Variants in HS3ST4 observed in about 807,000 individuals in gnomAD.
The protein encoded by HS3ST4 is heparan sulfate-glucosamine 3-sulfotransferase 4.
A neutral mutation model predicts 29.2 loss-of-function variants in HS3ST4; 17 were observed. The ratio of observed to expected loss-of-function variants is 0.58; its 90% confidence interval spans 0.40 to 0.87. The LOEUF (loss-of-function observed/expected upper bound fraction) is 0.87. Among genes scored for constraint, HS3ST4 ranks in the 40% least tolerant of loss-of-function variants. The probability of loss-of-function intolerance (pLI) is 0.00; values close to 1 mark genes in which losing one functional copy is unlikely to be tolerated. For missense variants in HS3ST4, 627 were observed against 634.5 expected, an observed-to-expected ratio of 0.99 and a Z score of 0.13; for synonymous variants, 314 against 285.7, an observed-to-expected ratio of 1.10 and a Z score of -1.00.
At chr16:26,131,495 C>T (rs1899418550) in intron 1 of HS3ST4, among the ~76,000 whole-genome samples, 1 of 152,144 alleles carries the variant, frequency 6.6e-6, no homozygotes, top group Non-Finnish European at 1.5e-5. Flanking sequence ...TTCTCAAGCA[C>T]ACCAAAATGT....
intron 1 of HS3ST4, among the ~76,000 whole-genome samples, chr16:25,818,113 G>A (rs1967113524): frequency 6.6e-6 from 1 of 152,200 alleles, no homozygotes; most frequent in African/African-American, 2.4e-5. Flanking sequence ...CCTAATGTTT[G>A]TAGAAGGCTT....
At chr16:26,038,201 T>C (rs1969601764) in intron 1 of HS3ST4, among the ~76,000 whole-genome samples, 2 of 152,050 alleles carry the variant, frequency 1.3e-5, no homozygotes, top group Admixed American at 1.3e-4. Flanking sequence ...CCTGGAATGC[T>C]CTTCCCCGAT....
At chr16:25,731,339 A>ATTTTTTC (rs527475050) in intron 1 of HS3ST4, among the ~76,000 whole-genome samples, 2 of 151,982 alleles carry the variant, frequency 1.3e-5, no homozygotes, top group African/African-American at 4.8e-5. Flanking sequence ...AGATACTCTT[A>ATTTTTTC]TTTTTTCTTT....
At chr16:25,888,315 A>G (rs1967975275) in intron 1 of HS3ST4, among the ~76,000 whole-genome samples, 1 of 152,196 alleles carries the variant, frequency 6.6e-6, no homozygotes, top group Admixed American at 6.5e-5. Flanking sequence ...GAGAAGTATG[A>G]TCTAGGAGCT....
At chr16:26,023,753 C>T (rs1298972390) in intron 1 of HS3ST4, among the ~76,000 whole-genome samples, 2 of 152,070 alleles carry the variant, frequency 1.3e-5, no homozygotes, top group East Asian at 3.9e-4. Context: ...GTCTTTATCT[C>T]TGATTTTCTG....
chr16:25,822,745 T>G (rs1013600423), intron 1 of HS3ST4, among the ~76,000 whole-genome samples: 41 of 152,058 alleles, frequency 2.7e-4, no homozygotes, highest in African/African-American at 7.7e-4. Context: ...ACTTTTTTTT[T>G]TTGTTCTTTT....
rs569590232 is a variant in HS3ST4 at position 25,937,827 on chromosome 16, A to T, written c.735-197785A>T. Among the ~76,000 whole-genome samples the T allele has an allele frequency of 2.6e-5, 4 of 152,286 alleles. No homozygotes were observed. In the South Asian group the frequency reaches 6.2e-4, roughly 24 times the overall value. ...CATTGACACAGGGAAGTTGGTAAGT[A>T]TATCTGTTTTGCAGCTTCAGAAACA... is the stretch of plus-strand genomic sequence containing the variant. On this transcript the variant is annotated intron_variant, in intron 1 of 1. Transcript: ENST00000331351.
intron 1 of HS3ST4, among the ~76,000 whole-genome samples, chr16:26,011,006 C>T (rs1366237679): frequency 6.6e-6 from 1 of 151,564 alleles, no homozygotes; most frequent in African/African-American, 2.4e-5. Flanking sequence ...GAGAGTGCTC[C>T]ACACAGTGTT....
chr16:25,908,083 G>A (rs749031261), intron 1 of HS3ST4, among the ~76,000 whole-genome samples: 2 of 152,196 alleles, frequency 1.3e-5, no homozygotes, highest in Non-Finnish European at 2.9e-5. Flanking sequence ...TGAATCATAG[G>A]TGTGGAGAGA....
chr16:25,693,132 A>G lies in HS3ST4; in HGVS notation c.715A>G (p.Lys239Glu). 2 of 1,607,618 alleles carry G rather than the reference A, an allele frequency of 1.2e-6. No individual in the cohort carries two copies. The highest frequency in any genetic ancestry group is 1.7e-6 in the Non-Finnish European group (2 of 1,177,212). Residue 239 changes from lysine to glutamate, a missense_variant, in exon 1 of 2, where the codon AAG (lysine) becomes GAG (glutamate). By Grantham distance (56) the Lys-to-Glu change is moderately conservative (BLOSUM62 1). Transcript: ENST00000331351. ...EPHFFDRNYEKGLEWYRNVMP... is the reference protein window; with the variant it reads ...EPHFFDRNYEEGLEWYRNVMP... ...GCACTTCTTCGACAGGAACTACGAA[A>G]AGGGGTTGGAGTGGTACAGGTAGGA...
chr16:26,087,943 G>C (rs1404824545), intron 1 of HS3ST4, among the ~76,000 whole-genome samples: 1 of 152,090 alleles, frequency 6.6e-6, no homozygotes, highest in Non-Finnish European at 1.5e-5. Context: ...ACAGTAGCTA[G>C]AGTGATGATT....
intron 1 of HS3ST4, among the ~76,000 whole-genome samples, chr16:25,890,164 T>C (rs977572205): frequency 6.6e-6 from 1 of 152,210 alleles, no homozygotes; most frequent in Non-Finnish European, 1.5e-5. Flanking sequence ...CCCTCTATAC[T>C]GAGGAAGGCA....
intron 1 of HS3ST4, among the ~76,000 whole-genome samples, chr16:25,964,993 C>T (rs4522422): frequency 0.28 from 42,196 of 151,848 alleles, 6,108 homozygotes; most frequent in African/African-American, 0.33. Context: ...ATAGGCTGGG[C>T]ACTAGGTACA....
chr16:25,949,321 A>T (rs1420983972), intron 1 of HS3ST4, among the ~76,000 whole-genome samples: 5 of 152,004 alleles, frequency 3.3e-5, no homozygotes, highest in African/African-American at 1.2e-4. Context: ...CTTTCTAACT[A>T]TTTTTGGTAC....
At chr16:26,130,220 GC>G (rs1899399679) in intron 1 of HS3ST4, among the ~76,000 whole-genome samples, 1 of 152,162 alleles carries the variant, frequency 6.6e-6, no homozygotes, top group Non-Finnish European at 1.5e-5. Flanking sequence ...TGCTCTGAGC[GC>G]CCAAGATACT....
chr16:25,757,744 G>T (rs1339944622), intron 1 of HS3ST4, among the ~76,000 whole-genome samples: 1 of 151,776 alleles, frequency 6.6e-6, no homozygotes, highest in Non-Finnish European at 1.5e-5. Flanking sequence ...CTTCCTGGAG[G>T]CTACCATGGG....
intron 1 of HS3ST4, among the ~76,000 whole-genome samples, chr16:26,113,180 T>G (rs890279600): frequency 6.6e-6 from 1 of 152,150 alleles, no homozygotes; most frequent in African/African-American, 2.4e-5. Context: ...AGCAGAACAT[T>G]ATGCCATTTT....
intron 1 of HS3ST4, among the ~76,000 whole-genome samples, chr16:26,033,367 C>A (rs1969550233): frequency 6.6e-6 from 1 of 151,778 alleles, no homozygotes; most frequent in African/African-American, 2.4e-5. Flanking sequence ...ATACAAAAAT[C>A]AGCTGGGCCT....
intron 1 of HS3ST4, among the ~76,000 whole-genome samples, chr16:25,939,634 C>T (rs185413853): frequency 9.2e-5 from 14 of 152,196 alleles, no homozygotes; most frequent in African/African-American, 2.4e-4. Flanking sequence ...CCACCGTACC[C>T]GGCCATTATT....
Sources: gnomAD v4.1 joint callset for allele counts (sites outside exome capture counted in the v4.1 genomes callset) on GRCh38, gnomAD v4.1.1 for gene constraint, MANE v1.5 for transcripts, NCBI Gene and HGNC (gene_info 2026-07-23, HGNC 2026-07-21) for gene names.